Variants in CCDC187 observed in about 807,000 individuals in gnomAD.
CCDC187 encodes the protein coiled-coil domain-containing protein 187.
CCDC187 carries 32 observed loss-of-function variants against 38.0 expected under a neutral mutation model. That is an observed-to-expected ratio of 0.84 (90% confidence interval 0.64 to 1.13). CCDC187 has a LOEUF of 1.13. Ranked by LOEUF, CCDC187 falls within the 50% of genes most tolerant of loss-of-function variation. CCDC187 has a pLI of 0.00. For synonymous variants in CCDC187, 333 were observed against 347.9 expected (o/e 0.96, Z 0.48); for missense variants, 707 against 786.8 (o/e 0.90, Z 1.21).
At chr9:136,267,064 G>A (rs1554761731) in intron 16 of CCDC187, 4 of 154,096 alleles carry the variant, frequency 2.6e-5, no homozygotes. Context: ...ACTCCAGCCT[G>A]AGCAACAAGA....
chr9:136,289,822 G>A (rs988679711), intron 7 of CCDC187, 137 bp downstream of exon 7: 1 of 393,748 alleles, frequency 2.5e-6, no homozygotes, highest in East Asian at 3.6e-5. Context: ...TGGGCGGGCA[G>A]GGCAGAGCCT....
chr9:136,299,305 A>G (rs1831614846), intron 3 of CCDC187, among the ~76,000 whole-genome samples: 1 of 152,126 alleles, frequency 6.6e-6, no homozygotes, highest in Non-Finnish European at 1.5e-5. Flanking sequence ...ACACACCCAA[A>G]TGCCTGCCTG....
intron 20 of CCDC187, among the ~76,000 whole-genome samples, 200 bp downstream of exon 20, chr9:136,259,919 G>A (rs75054622): frequency 6.6e-6 from 1 of 152,184 alleles, no homozygotes; most frequent in Non-Finnish European, 1.5e-5. Context: ...GGGGTGGCCC[G>A]CCTGCTGGCA....
intron 19 of CCDC187, among the ~76,000 whole-genome samples, chr9:136,261,221 C>T (rs1465482043): frequency 1.3e-5 from 2 of 152,168 alleles, no homozygotes; most frequent in African/African-American, 2.4e-5. Context: ...GAGCTTCTCT[C>T]GAACGGCCCA....
Position 136,258,123 on chromosome 9 carries a change from A to G in CCDC187, c.4366+809T>C, listed in dbSNP as rs368769829. Among the ~76,000 whole-genome samples, 153 of 152,242 alleles carry G rather than the reference A, an allele frequency of 1.0e-3. No individual in the cohort carries two copies. The East Asian group carries it at 0.01, about 10-fold the overall frequency. The stretch of plus-strand genomic sequence containing the variant: ...AGAAGCCTGAACAGCGCAGGCCCGG[A>G]GGTGACGCGGGACACAGAGGGAAAG... On this transcript the variant is annotated intron_variant, in intron 22 of 25. Coordinates refer to ENST00000638797, the MANE Select transcript of CCDC187 (RefSeq NM_001378188.1). The surrounding 1 kb of genome is among the most constrained non-coding windows in gnomAD (Gnocchi z 4.3).
In CCDC187 at chr9:136,282,913, C is replaced by T. The variant is rs1831081390; in HGVS notation, c.2928-1250G>A. 2.0e-5 allele frequency among the ~76,000 whole-genome samples: 3 copies of T among 152,360 alleles called. No individual in the cohort carries two copies. The East Asian group carries it at 5.8e-4, about 29-fold the overall frequency. On this transcript the variant is annotated intron_variant, in intron 9 of 25. Transcript: ENST00000638797. ...GCCCCAGTGCCTCCACCACTGAGTG[C>T]TGGGCTCCCATGGGACAGAGGGGAC...
chr9:136,296,747 T>C (rs1394266445), intron 4 of CCDC187, among the ~76,000 whole-genome samples: 1 of 152,122 alleles, frequency 6.6e-6, no homozygotes, highest in Non-Finnish European at 1.5e-5. Context: ...GGCCGCTGGG[T>C]CTCTGCAGGG....
rs1830778649 is a variant in CCDC187, at chr9:136,267,976, G to A, written c.3519+73C>T. 3 of 985,234 alleles carry A rather than the reference G, an allele frequency of 3.0e-6. No individual in the cohort carries two copies. In the South Asian group the frequency reaches 1.4e-4, roughly 46 times the overall value. 61.0% of individuals were successfully genotyped at this position (985,234 alleles called of 1,614,324 possible). A position where few individuals can be genotyped will look rare whatever the true frequency, so the allele number is the denominator to read the frequency against. On this transcript the variant is annotated intron_variant, in intron 15 of 25. Transcript: ENST00000638797. Reference sequence around the variant, plus strand: ...CCCTTCTTAGTGGAAGGACAGTTGGGTCCGGGGCCCACTACCAGGGCCGTG... The same window carrying A: ...CCCTTCTTAGTGGAAGGACAGTTGGATCCGGGGCCCACTACCAGGGCCGTG...
intron 14 of CCDC187, 166 bp from the exon 15 acceptor site, chr9:136,268,291 C>T (rs1467216766): frequency 2.0e-5 from 4 of 201,868 alleles, no homozygotes; most frequent in Non-Finnish European, 3.5e-5. Flanking sequence ...CAAGACCACG[C>T]GGGAAGGGAC....
intron 4 of CCDC187, 54 bp from the exon 5 acceptor site, chr9:136,292,349 T>G (rs979420969): frequency 7.5e-6 from 3 of 398,320 alleles, no homozygotes; most frequent in Non-Finnish European, 1.3e-5. Flanking sequence ...CTCTGGGCAC[T>G]GGCCCGGACG....
intron 7 of CCDC187, among the ~76,000 whole-genome samples, chr9:136,287,334 T>C (rs2131287265): frequency 6.6e-6 from 1 of 152,304 alleles, no homozygotes; most frequent in Non-Finnish European, 1.5e-5. Flanking sequence ...GGTCTTAACA[T>C]GTGAGAAAGT....
At position 136,258,513 on chromosome 9, in the gene CCDC187, C is replaced by G. The variant is rs1230436828; in HGVS notation, c.4366+419G>C. On this transcript the variant is annotated intron_variant, in intron 22 of 25. Transcript: ENST00000638797. This position sits in a 1 kb window ranked among gnomAD's most constrained non-coding sequence, Gnocchi z 4.3. ...CACTGTGAGTGCATCTGCTCCCGCC[C>G]CACCTGCAAATTGGGGACTTGGCTC... 2.0e-5 allele frequency among the ~76,000 whole-genome samples: 3 copies of G among 152,056 alleles called. No homozygotes were observed. The highest frequency in any genetic ancestry group is 7.2e-5 in the African/African-American group (3 of 41,392).
At chr9:136,287,132 G>A (rs906194288) in intron 7 of CCDC187, among the ~76,000 whole-genome samples, 4 of 152,182 alleles carry the variant, frequency 2.6e-5, no homozygotes, top group African/African-American at 7.2e-5. Context: ...AGGGACGAAC[G>A]GAGAAGCAAA....
intron 9 of CCDC187, among the ~76,000 whole-genome samples, chr9:136,283,524 G>C (rs1831096934): frequency 6.6e-6 from 1 of 152,240 alleles, no homozygotes; most frequent in Non-Finnish European, 1.5e-5. Flanking sequence ...CACCAGCCCG[G>C]GTCCCTCCGG....
intron 4 of CCDC187, among the ~76,000 whole-genome samples, chr9:136,293,683 C>T (rs910140275): frequency 2.4e-4 from 22 of 91,246 alleles, no homozygotes; most frequent in African/African-American, 6.8e-4. Context: ...TGCCCTCGCA[C>T]GTGCTGTCAC....
At chr9:136,259,724 C>G (rs1830658898) in intron 20 of CCDC187, among the ~76,000 whole-genome samples, 1 of 152,194 alleles carries the variant, frequency 6.6e-6, no homozygotes, top group African/African-American at 2.4e-5. Context: ...TCCTTCTGCC[C>G]TGGCCAGGGG....
At chr9:136,302,608 C>T (rs1181382930) in intron 2 of CCDC187, among the ~76,000 whole-genome samples, 2 of 152,234 alleles carry the variant, frequency 1.3e-5, no homozygotes, top group African/African-American at 2.4e-5. Flanking sequence ...TCCACCGCTC[C>T]TCTGTCGTCT....
chr9:136,289,518 CAAAAAAA>C (rs878962393), intron 7 of CCDC187, among the ~76,000 whole-genome samples: 9 of 67,298 alleles, frequency 1.3e-4, no homozygotes, highest in African/African-American at 4.5e-4. Context: ...AACTCCATCT[CAAAAAAA>C]AAAAAAAAAA....
chr9:136,260,317 G>C (rs1406628633), intron 19 of CCDC187, 53 bp from the exon 20 acceptor site: 1 of 984,506 alleles, frequency 1.0e-6, no homozygotes, highest in African/African-American at 1.8e-5. Context: ...CCCCTTCCCA[G>C]GTGTCCAGCC....
Sources: gnomAD v4.1 joint callset for allele counts (sites outside exome capture counted in the v4.1 genomes callset) on GRCh38, gnomAD v4.1.1 for gene constraint, Gnocchi (gnomAD v3.1) non-coding constraint, MANE v1.5 for transcripts, NCBI Gene and HGNC (gene_info 2026-07-23, HGNC 2026-07-21) for gene names.